Variants in RAI1 observed in about 807,000 individuals in gnomAD.
RAI1 encodes retinoic acid induced 1.
Under a neutral mutation model 123.8 loss-of-function variants are expected in RAI1, and 9 were observed. The ratio of observed to expected loss-of-function variants is 0.07; its 90% confidence interval spans 0.04 to 0.13. The LOEUF is 0.13. RAI1 is among the 10% of genes least tolerant of loss of function. RAI1 has a pLI of 1.00. For missense variants in RAI1, 2,256 were observed against 2,545.8 expected (o/e 0.89, Z 2.45); for synonymous variants, 1,231 against 1,127.3 (o/e 1.09, Z -1.84).
intron 2 of RAI1, among the ~76,000 whole-genome samples, chr17:17,728,991 G>A (rs1319372061): frequency 6.6e-6 from 1 of 152,192 alleles, no homozygotes. Flanking sequence ...GCAGCACAGG[G>A]CTGGGCGGCT....
chr17:17,804,989 A>G (rs1463324493), intron 4 of RAI1, among the ~76,000 whole-genome samples: 4 of 152,066 alleles, frequency 2.6e-5, no homozygotes, highest in Admixed American at 1.3e-4. Flanking sequence ...CAGCCTCTCA[A>G]GTAGCTGGGA....
chr17:17,791,271 T>G (rs548043494), intron 2 of RAI1, among the ~76,000 whole-genome samples: 1 of 152,326 alleles, frequency 6.6e-6, no homozygotes, highest in East Asian at 1.9e-4. Context: ...CTTGCCCTGC[T>G]CTCAGGCAGA....
At chr17:17,733,821 A>G (rs1356139193) in intron 2 of RAI1, among the ~76,000 whole-genome samples, 1 of 152,108 alleles carries the variant, frequency 6.6e-6, no homozygotes, top group Non-Finnish European at 1.5e-5. Context: ...GTCCCAGGAG[A>G]GCCAGTGTAA....
rs1162499097 is a variant in RAI1 at position 17,797,643 on chromosome 17, G to A, written c.4695G>A (p.Val1565=). The change falls in exon 3 of 6, where the codon GTG becomes GTA. Residue 1565 remains valine (V), a synonymous_variant. Transcript: ENST00000353383. ...CCAAGCGACGACGACAGCAGCAGGT[G>A]CTGCCCCTGGATCCCGCAGAGCCTG... is the stretch of plus-strand genomic sequence containing the variant. The part of the protein sequence containing the change: ...GRAKRRRQQQ[V]LPLDPAEPEI... The A allele has an allele frequency of 2.5e-6, 4 of 1,613,886 alleles. No individual in the cohort carries two copies. Among genetic ancestry groups the A allele is most frequent in the Non-Finnish European group, 3.4e-6 (4 of 1,180,030 alleles).
At position 17,711,091 on chromosome 17, in the gene RAI1, C is replaced by T. The variant is rs1326857731; in HGVS notation, c.-148-12937C>T. ...ATCCTGATGGATGGGAAGGCAGGGC[C>T]GCAGTACCCGGAAAACCTCTCCAGG... On this transcript the variant is annotated intron_variant, in intron 1 of 5. Coordinates refer to ENST00000353383, the MANE Select transcript of RAI1 (RefSeq NM_030665.4). Among the ~76,000 whole-genome samples the T allele has an allele frequency of 2.6e-5, 4 of 152,318 alleles. No homozygotes were observed. In the South Asian group the frequency reaches 6.2e-4, roughly 24 times the overall value.
rs1479790578 is a variant in RAI1, at chr17:17,794,411, A to T, written c.1463A>T (p.Tyr488Phe). The change falls in exon 3 of 6, where the codon TAC becomes TTC. Residue 488 changes from tyrosine (Y) to phenylalanine (F), a missense_variant. Physicochemically the swap from Tyr to Phe is conservative, Grantham distance 22. Coordinates refer to ENST00000353383, the MANE Select transcript of RAI1 (RefSeq NM_030665.4). ...SQHCSPEGSG[Y>F]SAEPAGTPLS... ...CACTGCAGCCCCGAAGGGAGCGGCT[A>T]CTCAGCCGAGCCCGCAGGCACACCG... The T allele has an allele frequency of 6.2e-7, 1 of 1,612,844 alleles. No individual in the cohort carries two copies. The highest frequency in any genetic ancestry group is 8.5e-7 in the Non-Finnish European group (1 of 1,180,038).
In RAI1 at chr17:17,808,565, A is replaced by G. The variant is rs1436088966; in HGVS notation, c.5660-825A>G. Reference sequence around the variant, plus strand: ...CAGGCTCAAGTGATCCTCCCGCCCCAGCCTCTCGAGTAGCTGGGACTACAG... The same window carrying G: ...CAGGCTCAAGTGATCCTCCCGCCCCGGCCTCTCGAGTAGCTGGGACTACAG... On this transcript the variant is annotated intron_variant, in intron 4 of 5. Coordinates refer to ENST00000353383, the MANE Select transcript of RAI1 (RefSeq NM_030665.4). 2.0e-5 allele frequency among the ~76,000 whole-genome samples: 3 copies of G among 151,970 alleles called. No homozygotes were observed. In the East Asian group the frequency reaches 5.8e-4, roughly 29 times the overall value.
intron 1 of RAI1, among the ~76,000 whole-genome samples, chr17:17,683,361 A>C (rs1052846290): frequency 6.6e-6 from 1 of 152,046 alleles, no homozygotes; most frequent in Admixed American, 6.5e-5. Flanking sequence ...TTCTCCATAC[A>C]GTCCTCGCTC....
chr17:17,708,632 A>T (rs1915467482), intron 1 of RAI1, among the ~76,000 whole-genome samples: 1 of 152,110 alleles, frequency 6.6e-6, no homozygotes, highest in African/African-American at 2.4e-5. Flanking sequence ...ATCTTGACTC[A>T]GTGAGTGAGT....
At chr17:17,804,131 C>T in intron 4 of RAI1, 1 of 487,540 alleles carries the variant, frequency 2.1e-6, no homozygotes, top group South Asian at 2.0e-5. Flanking sequence ...GTCTGCGGAG[C>T]CATCATTGCC....
intron 2 of RAI1, among the ~76,000 whole-genome samples, chr17:17,783,838 C>A (rs2031718726): frequency 6.6e-6 from 1 of 152,130 alleles, no homozygotes; most frequent in Admixed American, 6.5e-5. Flanking sequence ...CAGAGCCGGC[C>A]CCGCTTCGTT....
intron 1 of RAI1, among the ~76,000 whole-genome samples, chr17:17,702,423 A>G (rs890766165): frequency 3.3e-5 from 5 of 152,204 alleles, no homozygotes; most frequent in Non-Finnish European, 7.3e-5. Context: ...TTGTGAGCCT[A>G]CTGTATATGG....
intron 1 of RAI1, chr17:17,684,305 A>G (rs937164250): frequency 6.6e-5 from 10 of 152,172 alleles, no homozygotes; most frequent in Non-Finnish European, 1.5e-4. Context: ...TTACTGAAAT[A>G]ACTCCCTTAC....
chr17:17,750,708 A>G (rs910813719), intron 2 of RAI1, among the ~76,000 whole-genome samples: 27 of 151,918 alleles, frequency 1.8e-4, no homozygotes, highest in African/African-American at 5.1e-4. Flanking sequence ...AAAAAAAAAA[A>G]AAAAAGAAAA....
In RAI1 at chr17:17,763,286, G is replaced by A. The variant is rs138688144; in HGVS notation, c.-16-29647G>A. ...TCCTAGAGATCCACCCAGTGACCAC[G>A]GCTGCTGGGCTGCACTTAGCTTTGT... is the stretch of plus-strand genomic sequence containing the variant. On this transcript the variant is annotated intron_variant, in intron 2 of 5. Coordinates refer to ENST00000353383, the MANE Select transcript of RAI1 (RefSeq NM_030665.4). Among the ~76,000 whole-genome samples the A allele has an allele frequency of 8.4e-3, 1,285 of 152,292 alleles. 6 individuals carry two copies. Among genetic ancestry groups the A allele is most frequent in the African/African-American group, 0.028 (1,176 of 41,556 alleles).
intron 1 of RAI1, among the ~76,000 whole-genome samples, chr17:17,694,797 G>T (rs1321189195): frequency 6.7e-6 from 1 of 150,256 alleles, no homozygotes; most frequent in Admixed American, 6.6e-5. Context: ...CCATGGCAGC[G>T]CCCGGCCCGG....
At chr17:17,764,823 C>T (rs2030855690) in intron 2 of RAI1, among the ~76,000 whole-genome samples, 1 of 152,276 alleles carries the variant, frequency 6.6e-6, no homozygotes, top group Admixed American at 6.5e-5. Context: ...CTCCTGGCCT[C>T]AAGCTATCTG....
intron 4 of RAI1, among the ~76,000 whole-genome samples, chr17:17,807,517 C>G (rs2032618170): frequency 6.6e-6 from 1 of 152,256 alleles, no homozygotes; most frequent in Admixed American, 6.5e-5. Context: ...CCACAGTGTC[C>G]TGTCTCAACC....
At chr17:17,692,458 A>G (rs1333567075) in intron 1 of RAI1, among the ~76,000 whole-genome samples, 6 of 152,182 alleles carry the variant, frequency 3.9e-5, no homozygotes, top group Non-Finnish European at 4.4e-5. Context: ...CCCTATATCC[A>G]TTATCAAGGA....
Sources: gnomAD v4.1 joint callset for allele counts (sites outside exome capture counted in the v4.1 genomes callset) on GRCh38, gnomAD v4.1.1 for gene constraint, MANE v1.5 for transcripts, NCBI Gene and HGNC (gene_info 2026-07-23, HGNC 2026-07-21) for gene names.